SCAMP1: variants seen among roughly 807,000 people sequenced by gnomAD.
The protein encoded by SCAMP1 is secretory carrier membrane protein 1, also known as secretory carrier-associated membrane protein 1.
A neutral mutation model predicts 41.8 loss-of-function variants in SCAMP1; 15 were observed. The ratio of observed to expected loss-of-function variants is 0.36; its 90% CI spans 0.24 to 0.55. The LOEUF (loss-of-function observed/expected upper bound fraction) is 0.55, where lower values mean the gene tolerates loss of function less well. SCAMP1 is among the 20% of genes least tolerant of loss of function. SCAMP1 has a pLI of 0.86. For synonymous variants in SCAMP1, 135 were observed against 136.8 expected, an observed-to-expected ratio of 0.99 and a Z score of 0.09; for missense variants, 341 against 412.6, an observed-to-expected ratio of 0.83 and a Z score of 1.50.
At chr5:78,368,484 A>G (rs1477604173) in intron 1 of SCAMP1, among the ~76,000 whole-genome samples, 1 of 152,220 alleles carries the variant, frequency 6.6e-6, no homozygotes, top group African/African-American at 2.4e-5. Flanking sequence ...TTTATTGGTT[A>G]TTTCCTTAAT....
At chr5:78,440,991 C>T (rs1297781563) in intron 6 of SCAMP1, among the ~76,000 whole-genome samples, 9 of 152,214 alleles carry the variant, frequency 5.9e-5, no homozygotes, top group African/African-American at 1.7e-4. Context: ...GCTCTGTGGG[C>T]GTGGGACCCT....
rs1459124273 is a variant in SCAMP1, at chr5:78,479,377, A to C, written c.*3709A>C. ...AGTATACATTTATTTAGAGTAGACT[A>C]ATGTGTTTAAAACATGAGTTGTTTT... On this transcript the variant is annotated 3_prime_UTR_variant, in exon 9 of 9. Transcript: ENST00000621999. 6.6e-6 allele frequency among the ~76,000 whole-genome samples: 1 copy of C among 152,238 alleles called. No individual in the cohort carries two copies. The highest frequency in any genetic ancestry group is 6.5e-5 in the Admixed American group (1 of 15,286).
At chr5:78,463,771 A>G (rs990616030) in intron 8 of SCAMP1, among the ~76,000 whole-genome samples, 1 of 152,176 alleles carries the variant, frequency 6.6e-6, no homozygotes, top group South Asian at 2.1e-4. Context: ...TAGGTTGTGT[A>G]GATATTATAG....
chr5:78,400,683 T>C (rs572404255), intron 2 of SCAMP1, among the ~76,000 whole-genome samples: 4 of 152,348 alleles, frequency 2.6e-5, no homozygotes, highest in East Asian at 3.9e-4. Context: ...TGATTGACTT[T>C]TGTATATTAA....
intron 8 of SCAMP1, among the ~76,000 whole-genome samples, chr5:78,464,722 G>A (rs776576857): frequency 2.0e-5 from 3 of 152,090 alleles, no homozygotes; most frequent in Non-Finnish European, 2.9e-5. Flanking sequence ...ATGCCATAAA[G>A]CCATCAAATG....
intron 1 of SCAMP1, among the ~76,000 whole-genome samples, chr5:78,383,993 T>C (rs766419651): frequency 6.6e-6 from 1 of 152,192 alleles, no homozygotes; most frequent in Non-Finnish European, 1.5e-5. Context: ...TTGATGTTAA[T>C]TGCATTGAAT....
At chr5:78,369,141 C>G (rs1359833101) in intron 1 of SCAMP1, among the ~76,000 whole-genome samples, 3 of 150,670 alleles carry the variant, frequency 2.0e-5, no homozygotes, top group East Asian at 3.9e-4. Context: ...GGGTCTCTCT[C>G]TGTCTCCAAG....
chr5:78,377,289 C>T (rs757476245), intron 1 of SCAMP1, among the ~76,000 whole-genome samples: 1 of 152,198 alleles, frequency 6.6e-6, no homozygotes, highest in Non-Finnish European at 1.5e-5. Flanking sequence ...CTGCTGCTCT[C>T]TGCTCCCTTT....
chr5:78,416,733 G>T, intron 4 of SCAMP1, 84 bp downstream of exon 4: 1 of 1,029,884 alleles, frequency 9.7e-7, no homozygotes, highest in Non-Finnish European at 1.4e-6. Context: ...CATTTGGCCT[G>T]TGGATAAAAC....
At chr5:78,428,674 G>C (rs888955926) in intron 6 of SCAMP1, among the ~76,000 whole-genome samples, 1 of 152,084 alleles carries the variant, frequency 6.6e-6, no homozygotes, top group African/African-American at 2.4e-5. Flanking sequence ...CTGTGATTTT[G>C]ATAGGGATTG....
chr5:78,372,231 A>T (rs561298618), intron 1 of SCAMP1, among the ~76,000 whole-genome samples: 2 of 152,332 alleles, frequency 1.3e-5, no homozygotes, highest in South Asian at 4.1e-4. Flanking sequence ...GGATATATGG[A>T]GAGCACTGTC....
chr5:78,392,702 G>A (rs1751550954), intron 2 of SCAMP1, among the ~76,000 whole-genome samples: 2 of 152,176 alleles, frequency 1.3e-5, no homozygotes, highest in South Asian at 4.1e-4. Context: ...AAATTCTTAT[G>A]ATAATTGGGT....
rs1754020051 is a variant in SCAMP1 at position 78,476,967 on chromosome 5, AC to A, written c.*1300del. ...AATTTTACCACTGATTAAATAAATG[AC>A]TCAAAGACATCTGTAAGTCATGCTG... is the stretch of plus-strand genomic sequence containing the variant. On this transcript the variant is annotated 3_prime_UTR_variant, in exon 9 of 9. Coordinates refer to ENST00000621999, the MANE Select transcript of SCAMP1 (RefSeq NM_004866.6). The A allele has an allele frequency of 6.6e-6, 1 of 152,156 alleles. No homozygotes were observed. Among genetic ancestry groups the A allele is most frequent in the African/African-American group, 2.4e-5 (1 of 41,452 alleles). The allele number at this position is 152,156 out of a possible 1,614,324, so 9.4% of individuals were successfully genotyped here.
intron 2 of SCAMP1, among the ~76,000 whole-genome samples, chr5:78,414,879 G>A (rs1306795039): frequency 6.6e-6 from 1 of 152,090 alleles, no homozygotes; most frequent in East Asian, 1.9e-4. Context: ...TTTCTCAAGA[G>A]GGAAGAGTTG....
rs140786674 is a variant in SCAMP1 at position 78,406,997 on chromosome 5, C to G, written c.136-8523C>G. On this transcript the variant is annotated intron_variant, in intron 2 of 8. Transcript: ENST00000621999. ...GGTACAGCCAAAGTAGTGGCAGACA[C>G]AGTTCTAGGTTTGTCAGGAGAGGAG... Among the ~76,000 whole-genome samples, 43 of 152,294 alleles carry G rather than the reference C, an allele frequency of 2.8e-4. 1 individual carries two copies. The highest frequency in any genetic ancestry group is 1.0e-3 in the African/African-American group (43 of 41,562).
chr5:78,427,292 T>C (rs1290506573), intron 6 of SCAMP1, among the ~76,000 whole-genome samples: 1 of 152,114 alleles, frequency 6.6e-6, no homozygotes, highest in Non-Finnish European at 1.5e-5. Context: ...TTTTGGAAAC[T>C]AATGGAGAAC....
intron 2 of SCAMP1, among the ~76,000 whole-genome samples, chr5:78,395,933 G>C (rs990543376): frequency 6.6e-6 from 1 of 152,156 alleles, no homozygotes; most frequent in African/African-American, 2.4e-5. Context: ...CTCAAGGGAA[G>C]GGCATTATTA....
At chr5:78,373,156 A>T (rs1399352649) in intron 1 of SCAMP1, among the ~76,000 whole-genome samples, 2 of 152,126 alleles carry the variant, frequency 1.3e-5, no homozygotes, top group Non-Finnish European at 2.9e-5. Flanking sequence ...CCTTCTTCTT[A>T]TCTCCCTGAC....
At chr5:78,439,628 C>G (rs1752865941) in intron 6 of SCAMP1, among the ~76,000 whole-genome samples, 1 of 152,190 alleles carries the variant, frequency 6.6e-6, no homozygotes, top group Non-Finnish European at 1.5e-5. Flanking sequence ...CCTGACCTTT[C>G]TCTCTGGCTG....
Sources: gnomAD v4.1 joint callset for allele counts (sites outside exome capture counted in the v4.1 genomes callset) on GRCh38, gnomAD v4.1.1 for gene constraint, MANE v1.5 for transcripts, NCBI Gene and HGNC (gene_info 2026-07-23, HGNC 2026-07-21) for gene names.